The following DENND11 variants were observed in gnomAD, a reference collection of about 807,000 sequenced individuals.
The protein encoded by DENND11 is DENN domain-containing protein 11.
A neutral mutation model predicts 49.2 loss-of-function variants in DENND11; 34 were observed. The observed-to-expected ratio is 0.69, with a 90% CI of 0.53 to 0.92. DENND11 has a LOEUF of 0.92. DENND11 is among the 40% of genes least tolerant of loss of function. The pLI, the probability that DENND11 is intolerant of heterozygous loss-of-function variation, is 0.00. For synonymous variants in DENND11, 238 were observed against 230.3 expected, an observed-to-expected ratio of 1.03 and a Z score of -0.30; for missense variants, 475 against 581.6, an observed-to-expected ratio of 0.82 and a Z score of 1.88.
rs368574884 is a variant in DENND11 at position 141,666,327 on chromosome 7, C to A, written c.780G>T (p.Leu260Phe). ...CGCCCACAGGTGGGGGAGAAAATAT[C>A]AAAATGCGCTTTCGAAGTAAGGCAA... ...WKFALLRKRI[L>F]IFSPPPVGVV... The change falls in exon 5 of 9, where the codon TTG becomes TTT. Residue 260 changes from leucine to phenylalanine, a missense_variant. Coordinates refer to ENST00000536163, the MANE Select transcript of DENND11 (RefSeq NM_001080392.2). The A allele has an allele frequency of 1.2e-6, 2 of 1,613,142 alleles. No homozygotes were observed. Among genetic ancestry groups the A allele is most frequent in the African/African-American group, 1.3e-5 (1 of 74,854 alleles).
rs1797719162 is a variant in DENND11, at chr7:141,657,694, A to G, written c.*4962T>C. 1 of 152,392 alleles carries G rather than the reference A, an allele frequency of 6.6e-6. No individual in the cohort carries two copies. The highest frequency in any genetic ancestry group is 6.5e-5 in the Admixed American group (1 of 15,282). The allele number at this position is 152,392 out of a possible 1,614,324, so 9.4% of individuals were successfully genotyped here. The stretch of plus-strand genomic sequence containing the variant: ...CTGAATTTAGATCATATTAGCTCTA[A>G]AAGCCCCACAGTATGCTAAAAATCG... On this transcript the variant is annotated 3_prime_UTR_variant, in exon 9 of 9. Transcript: ENST00000536163.
In DENND11 at chr7:141,677,367, G is replaced by C. The variant is rs1440991396; in HGVS notation, c.528-3147C>G. 3.4e-5 allele frequency among the ~76,000 whole-genome samples: 5 copies of C among 146,392 alleles called. 1 individual carries two copies. The South Asian group carries it at 8.9e-4, about 26-fold the overall frequency. ...GATCACGCCATTGCATCCAGCCTGG[G>C]TGACAGAGCGAGACTCTTGTCTCAA... On this transcript the variant is annotated intron_variant, in intron 3 of 8. Transcript: ENST00000536163.
Position 141,662,582 on chromosome 7 carries a change from C to A in DENND11, c.*74G>T. On this transcript the variant is annotated 3_prime_UTR_variant, in exon 9 of 9. Transcript: ENST00000536163. ...GTGTCAACTTAATAAAAAATGAGGC[C>A]CTCTGGGGCCCTGGGGTGAACTCCG... 2 of 1,096,928 alleles carry A rather than the reference C, an allele frequency of 1.8e-6. No individual in the cohort carries two copies. Among genetic ancestry groups the A allele is most frequent in the Non-Finnish European group, 1.2e-6 (1 of 800,750 alleles). The allele number at this position is 1,096,928 out of a possible 1,614,324, so 67.9% of individuals were successfully genotyped here.
At chr7:141,683,527 C>T (rs1489367110) in intron 3 of DENND11, among the ~76,000 whole-genome samples, 1 of 152,170 alleles carries the variant, frequency 6.6e-6, no homozygotes, top group East Asian at 1.9e-4. Context: ...CCTGTAATCC[C>T]AGCTACTCAG....
chr7:141,698,246 A>C (rs1364385787), intron 1 of DENND11, among the ~76,000 whole-genome samples: 1 of 152,240 alleles, frequency 6.6e-6, no homozygotes, highest in Non-Finnish European at 1.5e-5. Context: ...GTGCTCCCCA[A>C]GTGTGACAAT....
Position 141,699,916 on chromosome 7 carries a change from TCA to T in DENND11, c.268+1968_268+1969del, listed in dbSNP as rs145606748. ...GTAGCCTTAGTCTGAAAACCATCAC[TCA>T]CACACACACACACACACACACACAC... On this transcript the variant is annotated intron_variant, in intron 1 of 8. Coordinates refer to ENST00000536163, the MANE Select transcript of DENND11 (RefSeq NM_001080392.2). 6.0e-3 allele frequency among the ~76,000 whole-genome samples: 880 copies of T among 146,024 alleles called. 6 individuals carry two copies. Among genetic ancestry groups the T allele is most frequent in the East Asian group, 0.016 (80 of 5,050 alleles).
intron 8 of DENND11, chr7:141,663,330 G>C (rs1406975383): frequency 2.6e-5 from 4 of 153,466 alleles, no homozygotes; most frequent in African/African-American, 9.6e-5. Context: ...CACTGCTTTA[G>C]AGTGCTTTAT....
chr7:141,676,738 T>C (rs1273178936), intron 3 of DENND11, among the ~76,000 whole-genome samples: 2 of 152,188 alleles, frequency 1.3e-5, no homozygotes, highest in African/African-American at 2.4e-5. Context: ...CTCAGAGTGC[T>C]GGATGATAAG....
chr7:141,701,745 C>T (rs531449605), intron 1 of DENND11, 141 bp downstream of exon 1: 35 of 689,000 alleles, frequency 5.1e-5, no homozygotes, highest in Non-Finnish European at 6.5e-5. Flanking sequence ...CTTCCCCAAG[C>T]CCGGGAGCCC....
At chr7:141,676,263 G>A (rs1798059040) in intron 3 of DENND11, among the ~76,000 whole-genome samples, 1 of 151,922 alleles carries the variant, frequency 6.6e-6, no homozygotes, top group African/African-American at 2.4e-5. Context: ...TGTTTCATTA[G>A]TATCAAATTT....
chr7:141,688,690 T>A (rs1238855369), intron 1 of DENND11, among the ~76,000 whole-genome samples: 1 of 152,176 alleles, frequency 6.6e-6, no homozygotes, highest in Non-Finnish European at 1.5e-5. Flanking sequence ...CCATGTCTAT[T>A]ACCTTCACAG....
At chr7:141,664,781 G>T in intron 7 of DENND11, 123 bp downstream of exon 7, 1 of 1,122,284 alleles carries the variant, frequency 8.9e-7, no homozygotes, top group Non-Finnish European at 1.2e-6. Context: ...TCCATCCCAG[G>T]CAGCATGGAG....
chr7:141,684,438 C>T (rs116303208), intron 3 of DENND11, among the ~76,000 whole-genome samples: 1,641 of 152,158 alleles, frequency 0.011, 28 homozygotes, highest in African/African-American at 0.038. Context: ...AAATTAAATT[C>T]ATAAAATATT....
intron 4 of DENND11, among the ~76,000 whole-genome samples, chr7:141,668,201 G>T (rs970339384): frequency 2.0e-5 from 3 of 152,186 alleles, no homozygotes; most frequent in African/African-American, 7.2e-5. Context: ...GAAGAATGGG[G>T]CATGGTGGAG....
chr7:141,694,728 A>G (rs879630244), intron 1 of DENND11, among the ~76,000 whole-genome samples: 8 of 151,924 alleles, frequency 5.3e-5, no homozygotes, highest in Admixed American at 2.6e-4. Flanking sequence ...AGGGAATTTG[A>G]CATTTGCTTA....
chr7:141,683,840 A>G (rs1798187674), intron 3 of DENND11, among the ~76,000 whole-genome samples: 2 of 152,248 alleles, frequency 1.3e-5, no homozygotes, highest in South Asian at 4.1e-4. Context: ...CCAGCTGAGG[A>G]TAAAGGGAAC....
chr7:141,664,235 A>G lies in DENND11; in HGVS notation c.1109T>C (p.Met370Thr). 6.3e-7 allele frequency: 1 copy of G among 1,582,110 alleles called. No homozygotes were observed. The highest frequency in any genetic ancestry group is 1.2e-5 in the South Asian group (1 of 86,320). Residue 370 changes from methionine to threonine, a missense_variant, in exon 8 of 9, where the codon ATG becomes ACG. Met to Thr is a moderately conservative substitution (Grantham distance 81, BLOSUM62 -1). Coordinates refer to ENST00000536163, the MANE Select transcript of DENND11 (RefSeq NM_001080392.2). ...KYRRLNEQRQMLLYSQEVEED... is the reference protein window; with the variant it reads ...KYRRLNEQRQTLLYSQEVEED... ...TTCTACTTCCTGGGAGTACAACAGC[A>G]TCTGCCTGTTGGGAAGATCACCGTG... is the stretch of plus-strand genomic sequence containing the variant.
Position 141,677,523 on chromosome 7 carries a change from A to G in DENND11, c.528-3303T>C, listed in dbSNP as rs199843948. 6.9e-3 allele frequency among the ~76,000 whole-genome samples: 744 copies of G among 107,250 alleles called. 8 individuals carry two copies. Among genetic ancestry groups the G allele is most frequent in the African/African-American group, 0.024 (690 of 28,380 alleles). 70.4% of individuals were successfully genotyped at this position (107,250 alleles called of 152,430 possible). On this transcript the variant is annotated intron_variant, in intron 3 of 8. Coordinates refer to ENST00000536163, the MANE Select transcript of DENND11 (RefSeq NM_001080392.2). ...TGTGTGTATATATATATATATATGTATATATATATATATATCTGTCTGAAC... is the reference window on the plus strand; with the variant it reads ...TGTGTGTATATATATATATATATGTGTATATATATATATATCTGTCTGAAC...
At chr7:141,664,098 A>C in intron 8 of DENND11, 74 bp downstream of exon 8, 1 of 1,216,468 alleles carries the variant, frequency 8.2e-7, no homozygotes, top group Admixed American at 2.0e-5. Context: ...AGTGAATGAC[A>C]TGGGAGGGAT....
Sources: gnomAD v4.1 joint callset for allele counts (sites outside exome capture counted in the v4.1 genomes callset) on GRCh38, gnomAD v4.1.1 for gene constraint, MANE v1.5 for transcripts, NCBI Gene and HGNC (gene_info 2026-07-23, HGNC 2026-07-21) for gene names.